Variants in UCK2 observed in about 807,000 individuals in gnomAD.
The protein encoded by UCK2 is uridine-cytidine kinase 2, also known as cytidine monophosphokinase 2.
Under a neutral mutation model 30.8 loss-of-function variants are expected in UCK2, and 6 were observed. The observed-to-expected ratio is 0.19, with a 90% CI of 0.11 to 0.38. The LOEUF (loss-of-function observed/expected upper bound fraction) is 0.38, where lower values mean the gene tolerates loss of function less well. UCK2 is among the 10% of genes least tolerant of loss of function. UCK2 has a pLI of 1.00. For synonymous variants in UCK2, 125 were observed against 133.6 expected, an observed-to-expected ratio of 0.94 and a Z score of 0.45; for missense variants, 210 against 339.8, an observed-to-expected ratio of 0.62 and a Z score of 3.00.
At chr1:165,841,442 C>A (rs1654327901) in intron 1 of UCK2, among the ~76,000 whole-genome samples, 1 of 152,114 alleles carries the variant, frequency 6.6e-6, no homozygotes, top group Admixed American at 6.6e-5. Context: ...CAATCAGCCT[C>A]CCAAAGTGCT....
intron 1 of UCK2, among the ~76,000 whole-genome samples, chr1:165,835,764 A>T (rs1457386231): frequency 6.6e-6 from 1 of 152,102 alleles, no homozygotes; most frequent in Non-Finnish European, 1.5e-5. Flanking sequence ...TTCCCCTGCA[A>T]AATATTAATT....
chr1:165,856,048 C>A (rs901052504), intron 1 of UCK2, among the ~76,000 whole-genome samples: 1 of 151,988 alleles, frequency 6.6e-6, no homozygotes, highest in Non-Finnish European at 1.5e-5. Context: ...TATATATAAA[C>A]CATAAAGAAT....
At chr1:165,904,177 G>C (rs955017318) in intron 5 of UCK2, 26 of 152,156 alleles carry the variant, frequency 1.7e-4, no homozygotes, top group African/African-American at 6.3e-4. Flanking sequence ...AGTAAGGCTG[G>C]GTATTGGAAT....
At chr1:165,862,975 C>T (rs1259676908) in intron 1 of UCK2, among the ~76,000 whole-genome samples, 1 of 152,164 alleles carries the variant, frequency 6.6e-6, no homozygotes, top group Non-Finnish European at 1.5e-5. Context: ...CATTTGCCTA[C>T]TTAGAGATCG....
At chr1:165,875,382 C>T (rs1206959162) in intron 1 of UCK2, among the ~76,000 whole-genome samples, 1 of 152,174 alleles carries the variant, frequency 6.6e-6, no homozygotes, top group Non-Finnish European at 1.5e-5. Context: ...CCTTTACTCT[C>T]ACACCACAAC....
At chr1:165,873,062 G>T (rs1014787591) in intron 1 of UCK2, among the ~76,000 whole-genome samples, 6 of 152,190 alleles carry the variant, frequency 3.9e-5, no homozygotes, top group Admixed American at 2.0e-4. Context: ...ATTATAAAAA[G>T]TAAAGTAAGT....
In UCK2 at chr1:165,905,988, T is replaced by A. The variant is rs768575422; in HGVS notation, c.646+19T>A. Reference sequence around the variant, plus strand: ...AATCTGGGTGAGTCCCTGCAGAGTGTCATCCTGGAGTATAATGTCTGCCCT... The same window carrying A: ...AATCTGGGTGAGTCCCTGCAGAGTGACATCCTGGAGTATAATGTCTGCCCT... On this transcript the variant is annotated intron_variant, in intron 6 of 6. Coordinates refer to ENST00000367879, the MANE Select transcript of UCK2 (RefSeq NM_012474.5). 2.1e-5 allele frequency: 34 copies of A among 1,610,634 alleles called. No homozygotes were observed. The highest frequency in any genetic ancestry group is 6.7e-5 in the Admixed American group (4 of 59,994).
Position 165,907,756 on chromosome 1 carries a change from G to C in UCK2, c.719G>C (p.Gly240Ala), listed in dbSNP as rs1345777436. The change falls in exon 7 of 7, where the codon GGC becomes GCC. Residue 240 changes from glycine (G) to alanine (A), a missense_variant. Physicochemically the swap from Gly to Ala is moderately conservative, Grantham distance 60. Coordinates refer to ENST00000367879, the MANE Select transcript of UCK2 (RefSeq NM_012474.5). ...GGGCCCTCCAAACGGCAGACCAATG[G>C]CTGTCTCAACGGCTACACCCCTTCA... is the stretch of plus-strand genomic sequence containing the variant. ...NGGPSKRQTN[G>A]CLNGYTPSRK... 1.2e-5 allele frequency: 20 copies of C among 1,614,026 alleles called. No homozygotes were observed. The highest frequency in any genetic ancestry group is 1.6e-5 in the Non-Finnish European group (19 of 1,180,036).
At chr1:165,888,233 G>T (rs1211698713) in intron 1 of UCK2, among the ~76,000 whole-genome samples, 1 of 152,068 alleles carries the variant, frequency 6.6e-6, no homozygotes, top group African/African-American at 2.4e-5. Context: ...AAACTTCTAA[G>T]ATTTGAGTCA....
chr1:165,903,294 T>C lies in UCK2; in HGVS notation c.597+15T>C. 2 of 1,609,596 alleles carry C rather than the reference T, an allele frequency of 1.2e-6. No homozygotes were observed. The highest frequency in any genetic ancestry group is 1.7e-6 in the Non-Finnish European group (2 of 1,177,536). ...TCTGCTTGCCAGTGAGTTGTGTTCT[T>C]GGTTTGTTTTTGTTGAATGTAGAAT... On this transcript the variant is annotated intron_variant, in intron 5 of 6. Coordinates refer to ENST00000367879, the MANE Select transcript of UCK2 (RefSeq NM_012474.5).
At position 165,910,008 on chromosome 1, in the gene UCK2, G is replaced by A. The variant is rs1306390562; in HGVS notation, c.*2185G>A. 1 of 152,324 alleles carries A rather than the reference G, an allele frequency of 6.6e-6. No individual in the cohort carries two copies. Among genetic ancestry groups the A allele is most frequent in the Non-Finnish European group, 1.5e-5 (1 of 68,152 alleles). The allele number at this position is 152,324 out of a possible 1,614,324, so 9.4% of individuals were successfully genotyped here. ...TACCTAGCTGCTTCCTCATCTACCT[G>A]TGGTGTTGGGACCAAGCCTCCAATA... On this transcript the variant is annotated 3_prime_UTR_variant, in exon 7 of 7. Transcript: ENST00000367879.
chr1:165,888,528 A>T (rs1409545980), intron 1 of UCK2, among the ~76,000 whole-genome samples: 1 of 151,628 alleles, frequency 6.6e-6, no homozygotes, highest in Non-Finnish European at 1.5e-5. Flanking sequence ...ACTTCAGGTG[A>T]TCCACCCACC....
At chr1:165,846,595 C>G (rs540897683) in intron 1 of UCK2, among the ~76,000 whole-genome samples, 1 of 152,156 alleles carries the variant, frequency 6.6e-6, no homozygotes, top group Non-Finnish European at 1.5e-5. Flanking sequence ...GAAGGGCTAT[C>G]TATCTTCTGA....
intron 4 of UCK2, among the ~76,000 whole-genome samples, chr1:165,901,278 C>T (rs1302460433): frequency 1.3e-5 from 2 of 152,294 alleles, no homozygotes; most frequent in South Asian, 2.1e-4. Context: ...GAAAACACTT[C>T]GTAAATCGAG....
chr1:165,862,140 T>C (rs367662881), intron 1 of UCK2, among the ~76,000 whole-genome samples: 14 of 152,282 alleles, frequency 9.2e-5, no homozygotes, highest in African/African-American at 2.6e-4. Flanking sequence ...CTCGTTTGGC[T>C]CTCATCAATC....
At chr1:165,886,739 T>C (rs928110396) in intron 1 of UCK2, among the ~76,000 whole-genome samples, 1 of 152,222 alleles carries the variant, frequency 6.6e-6, no homozygotes. Flanking sequence ...AGAGCATTTA[T>C]TCAGGGCAGA....
intron 4 of UCK2, among the ~76,000 whole-genome samples, chr1:165,897,002 T>C (rs1647282889): frequency 6.6e-6 from 1 of 152,004 alleles, no homozygotes; most frequent in African/African-American, 2.4e-5. Flanking sequence ...CCAGGAGAGA[T>C]TGGGAGGCTT....
Position 165,907,856 on chromosome 1 carries a change from A to G in UCK2, c.*33A>G, listed in dbSNP as rs1647724211. 1 of 1,610,886 alleles carries G rather than the reference A, an allele frequency of 6.2e-7. No homozygotes were observed. Among genetic ancestry groups the G allele is most frequent in the East Asian group, 2.2e-5 (1 of 44,842 alleles). On this transcript the variant is annotated 3_prime_UTR_variant, in exon 7 of 7. Transcript: ENST00000367879. The stretch of plus-strand genomic sequence containing the variant: ...CCATCGGACCCCAGCCCCTATCTCC[A>G]AGAGACAGAGGAGGGGTCAGGAGGC...
chr1:165,841,906 G>A (rs569869399), intron 1 of UCK2, among the ~76,000 whole-genome samples: 6 of 152,294 alleles, frequency 3.9e-5, no homozygotes, highest in African/African-American at 1.4e-4. Flanking sequence ...CACAGGGAGG[G>A]CTTCAGTCTG....
Sources: gnomAD v4.1 joint callset for allele counts (sites outside exome capture counted in the v4.1 genomes callset) on GRCh38, gnomAD v4.1.1 for gene constraint, MANE v1.5 for transcripts, NCBI Gene and HGNC (gene_info 2026-07-23, HGNC 2026-07-21) for gene names.